The following CTCF variants were observed in gnomAD, a reference collection of about 807,000 sequenced individuals.
The protein encoded by CTCF is CCCTC-binding factor, also known as transcriptional repressor CTCF.
A neutral mutation model predicts 72.3 loss-of-function variants in CTCF; 7 were observed. The observed-to-expected ratio is 0.10, with a 90% CI of 0.06 to 0.18. The LOEUF is 0.18. Ranked by LOEUF, CTCF falls within the 10% of genes least tolerant of loss-of-function variation. CTCF has a pLI of 1.00. For synonymous variants in CTCF, 374 were observed against 315.8 expected (o/e 1.18, Z -1.95); for missense variants, 516 against 949.1 (o/e 0.54, Z 6.00).
intron 7 of CTCF, among the ~76,000 whole-genome samples, chr16:67,624,151 A>ATGTGTG (rs1297380745): frequency 7.0e-5 from 10 of 142,994 alleles, no homozygotes; most frequent in African/African-American, 2.1e-4. Flanking sequence ...GTGTGTATAT[A>ATGTGTG]TGTGTGTATA....
rs1422199238 is a variant in CTCF at position 67,611,696 on chromosome 16, A to G, written c.781+83A>G. On this transcript the variant is annotated intron_variant, in intron 3 of 11. Coordinates refer to ENST00000264010, the MANE Select transcript of CTCF (RefSeq NM_006565.4). The stretch of plus-strand genomic sequence containing the variant: ...ACAGTGCATATGCAAGTTGTTTTAT[A>G]TTAACCGTATTTGTAAAAGGTCGTT... The G allele has an allele frequency of 1.2e-5, 16 of 1,320,912 alleles. No individual in the cohort carries two copies. The East Asian group carries it at 2.3e-4, about 19-fold the overall frequency. The allele number at this position is 1,320,912 out of a possible 1,614,324, so 81.8% of individuals were successfully genotyped here.
At chr16:67,562,909 C>G (rs2051295348) in intron 1 of CTCF, among the ~76,000 whole-genome samples, 185 bp downstream of exon 1, 1 of 132,116 alleles carries the variant, frequency 7.6e-6, no homozygotes, top group Admixed American at 7.1e-5. Context: ...CCCGGCCGCC[C>G]CCCCCACCCC....
chr16:67,576,394 G>C (rs1354027169), intron 2 of CTCF, among the ~76,000 whole-genome samples: 1 of 151,718 alleles, frequency 6.6e-6, no homozygotes, highest in Non-Finnish European at 1.5e-5. Flanking sequence ...TGGTTTGGGG[G>C]TCACTTTTTG....
intron 2 of CTCF, among the ~76,000 whole-genome samples, chr16:67,581,749 C>A (rs1173526478): frequency 1.3e-5 from 2 of 151,836 alleles, no homozygotes; most frequent in Admixed American, 1.3e-4. Context: ...GTGATCCACC[C>A]ACCTCGGCCT....
intron 2 of CTCF, among the ~76,000 whole-genome samples, chr16:67,590,768 C>T (rs2051731854): frequency 6.6e-6 from 1 of 151,626 alleles, no homozygotes. Flanking sequence ...CCCAGCGTGG[C>T]CAACATGGCG....
At chr16:67,636,466 T>G (rs1328324264) in intron 10 of CTCF, among the ~76,000 whole-genome samples, 1 of 149,264 alleles carries the variant, frequency 6.7e-6, no homozygotes, top group Non-Finnish European at 1.5e-5. Flanking sequence ...GAGAATTGCT[T>G]GAATCTGGGA....
chr16:67,595,885 T>C (rs954375360), intron 2 of CTCF, among the ~76,000 whole-genome samples: 8 of 152,196 alleles, frequency 5.3e-5, no homozygotes, highest in African/African-American at 1.9e-4. Flanking sequence ...TTACCTTCAG[T>C]AGAATTGTGC....
intron 1 of CTCF, chr16:67,563,455 GGCTGGCTGAGCTGCTCGCACCTCTAC>G (rs2142692876): frequency 6.6e-6 from 1 of 152,312 alleles, no homozygotes; most frequent in African/African-American, 2.4e-5. Context: ...CCCTCTGCAA[GGCTGGCTGAGCTGCTCGCACCTCTAC>G]GCTGCCTGAG....
At chr16:67,562,909 CCCCCCACCCCCA>C (rs1567586501) in intron 1 of CTCF, among the ~76,000 whole-genome samples, 185 bp downstream of exon 1, 3 of 132,154 alleles carry the variant, frequency 2.3e-5, no homozygotes, top group Admixed American at 7.1e-5. Flanking sequence ...CCCGGCCGCC[CCCCCCACCCCCA>C]CGCCCGCCCG....
intron 10 of CTCF, among the ~76,000 whole-genome samples, chr16:67,633,888 C>T (rs756716729): frequency 9.9e-5 from 15 of 152,150 alleles, no homozygotes; most frequent in Admixed American, 4.6e-4. Flanking sequence ...GGTCCATTTC[C>T]GGCTTAGTGT....
At position 67,584,337 on chromosome 16, in the gene CTCF, C is replaced by CTTCTTTTTTTT. The variant is rs1462998203; in HGVS notation, c.-10+13075_-10+13076insCTTTTTTTTTT. On this transcript the variant is annotated intron_variant, in intron 2 of 11. Transcript: ENST00000264010. The stretch of plus-strand genomic sequence containing the variant: ...CTCCTTCTCAAAAAAAAAAAGTCTT[C>CTTCTTTTTTTT]TTTTTTTTTTTTTTTTTTTTTGAGA... Among the ~76,000 whole-genome samples, 201 of 105,846 alleles carry CTTCTTTTTTTT rather than the reference C, an allele frequency of 1.9e-3. 3 individuals carry two copies. The highest frequency in any genetic ancestry group is 2.4e-3 in the Non-Finnish European group (130 of 54,324). The allele number at this position is 105,846 out of a possible 152,430, so 69.4% of individuals were successfully genotyped here.
At chr16:67,604,975 T>TTC (rs2051954779) in intron 2 of CTCF, among the ~76,000 whole-genome samples, 1 of 130,946 alleles carries the variant, frequency 7.6e-6, no homozygotes, top group African/African-American at 3.0e-5. Flanking sequence ...TTTTTTTTTT[T>TTC]TTTTTTTTTT....
At chr16:67,633,363 G>T (rs1226165629) in intron 10 of CTCF, among the ~76,000 whole-genome samples, 1 of 152,154 alleles carries the variant, frequency 6.6e-6, no homozygotes. Context: ...AGAGATCTGA[G>T]ACTCAGCCTT....
At position 67,573,955 on chromosome 16, in the gene CTCF, C is replaced by T. The variant is rs185118960; in HGVS notation, c.-10+2691C>T. ...CTGAGGCAGGAGAATCGCTTGAACCCGGGAGGCGGAAGTTGCAGTGAGCCG... is the reference window on the plus strand; with the variant it reads ...CTGAGGCAGGAGAATCGCTTGAACCTGGGAGGCGGAAGTTGCAGTGAGCCG... On this transcript the variant is annotated intron_variant, in intron 2 of 11. Transcript: ENST00000264010. Among the ~76,000 whole-genome samples the T allele has an allele frequency of 1.8e-3, 275 of 151,798 alleles. 2 individuals carry two copies. Among genetic ancestry groups the T allele is most frequent in the Non-Finnish European group, 3.0e-3 (205 of 67,940 alleles).
intron 4 of CTCF, 56 bp downstream of exon 4, chr16:67,612,177 A>G (rs1407513063): frequency 6.6e-7 from 1 of 1,526,630 alleles, no homozygotes; most frequent in Non-Finnish European, 8.9e-7. Flanking sequence ...TTCGCTTTTT[A>G]GTATTCATTC....
chr16:67,567,703 G>C (rs1327242547), intron 1 of CTCF, among the ~76,000 whole-genome samples: 1 of 151,266 alleles, frequency 6.6e-6, no homozygotes, highest in African/African-American at 2.4e-5. Context: ...CAGTCTTCCT[G>C]CTGCAGCCTC....
chr16:67,612,242 T>C (rs988100836), intron 4 of CTCF, 121 bp downstream of exon 4: 1 of 839,842 alleles, frequency 1.2e-6, no homozygotes, highest in Middle Eastern at 3.4e-4. Flanking sequence ...TATGATGCCC[T>C]TTTTGTAATC....
intron 7 of CTCF, among the ~76,000 whole-genome samples, chr16:67,625,985 T>C (rs2052280639): frequency 6.6e-6 from 1 of 152,074 alleles, no homozygotes; most frequent in African/African-American, 2.4e-5. Flanking sequence ...CCATCTCTCA[T>C]CAGTTCTTCC....
chr16:67,631,692 T>C (rs1182481490), intron 10 of CTCF, among the ~76,000 whole-genome samples: 81 of 30,004 alleles, frequency 2.7e-3, no homozygotes, highest in African/African-American at 5.1e-3. Context: ...CCCCCCCCCC[T>C]TTTTTTTTTC....
Sources: allele counts gnomAD v4.1 joint callset (sites outside exome capture counted in the v4.1 genomes callset), GRCh38; gene constraint gnomAD v4.1.1; transcripts MANE v1.5; gene names NCBI Gene and HGNC (gene_info 2026-07-23, HGNC 2026-07-21).